HABP2: variants seen among roughly 807,000 people sequenced by gnomAD.
HABP2 encodes hyaluronan binding protein 2, also known as factor VII-activating protease.
In HABP2, 65 loss-of-function variants were observed where a neutral mutation model predicts 66.5. The observed-to-expected ratio is 0.98, with a 90% CI of 0.80 to 1.20. HABP2 has a LOEUF of 1.20. HABP2 is among the 50% of genes most tolerant of loss of function. The probability of loss-of-function intolerance (pLI) is 0.00; values close to 1 mark genes in which losing one functional copy is unlikely to be tolerated. For synonymous variants in HABP2, 263 were observed against 253.9 expected (o/e 1.04, Z -0.34); for missense variants, 786 against 691.0 (o/e 1.14, Z -1.54).
Position 113,588,896 on chromosome 10 carries a change from C to G in HABP2, c.*527C>G, listed in dbSNP as rs751515984. ...GGGCTGGTGGGCCATTCCAGCTTGCCGAAATCAAAGCCATCTGAAGCCTGT... is the reference window on the plus strand; with the variant it reads ...GGGCTGGTGGGCCATTCCAGCTTGCGGAAATCAAAGCCATCTGAAGCCTGT... On this transcript the variant is annotated 3_prime_UTR_variant, in exon 13 of 13. Transcript: ENST00000351270. 1.4e-5 allele frequency: 16 copies of G among 1,133,078 alleles called. No homozygotes were observed. The highest frequency in any genetic ancestry group is 4.6e-5 in the African/African-American group (3 of 65,248). The allele number at this position is 1,133,078 out of a possible 1,614,324, so 70.2% of individuals were successfully genotyped here. A position where few individuals can be genotyped will look rare whatever the true frequency, so the allele number is the denominator to read the frequency against.
rs1323517293 is a variant in HABP2 at position 113,588,816 on chromosome 10, C to G, written c.*447C>G. 1.5e-6 allele frequency: 1 copy of G among 645,948 alleles called. No individual in the cohort carries two copies. Among genetic ancestry groups the G allele is most frequent in the African/African-American group, 1.8e-5 (1 of 54,932 alleles). 40.0% of individuals were successfully genotyped at this position (645,948 alleles called of 1,614,324 possible). A position where few individuals can be genotyped will look rare whatever the true frequency, so the allele number is the denominator to read the frequency against. On this transcript the variant is annotated 3_prime_UTR_variant, in exon 13 of 13. Transcript: ENST00000351270. Reference sequence around the variant, plus strand: ...TAGGTATCAGAGAGGACCACAAATACAACATTCTCCATCTGCTTTCAGAGT... The same window carrying G: ...TAGGTATCAGAGAGGACCACAAATAGAACATTCTCCATCTGCTTTCAGAGT...
chr10:113,567,073 A>C (rs1037053806), intron 1 of HABP2, among the ~76,000 whole-genome samples: 1 of 152,134 alleles, frequency 6.6e-6, no homozygotes, highest in Non-Finnish European at 1.5e-5. Flanking sequence ...CCGAGTCCAA[A>C]TTTTCTCATC....
chr10:113,563,840 A>G (rs1177761021), intron 1 of HABP2, among the ~76,000 whole-genome samples: 1 of 152,152 alleles, frequency 6.6e-6, no homozygotes, highest in Non-Finnish European at 1.5e-5. Context: ...TTCGTAGGGA[A>G]TCTCCAAAGG....
chr10:113,552,398 A>G (rs112850422), upstream of HABP2, among the ~76,000 whole-genome samples: 478 of 152,350 alleles, frequency 3.1e-3, 3 homozygotes, highest in African/African-American at 0.011. Flanking sequence ...GCATAGCTAA[A>G]TAAGGAACAT....
intron 1 of HABP2, among the ~76,000 whole-genome samples, chr10:113,566,559 G>A (rs936584576): frequency 1.3e-5 from 2 of 152,218 alleles, no homozygotes; most frequent in Non-Finnish European, 2.9e-5. Context: ...TGACAAAACA[G>A]ACAAAATCCC....
chr10:113,573,067 A>T (rs1245845535), intron 2 of HABP2, among the ~76,000 whole-genome samples: 1 of 152,220 alleles, frequency 6.6e-6, no homozygotes. Context: ...GTGCCTTTTC[A>T]AGTCAGCTAT....
chr10:113,579,074 T>C (rs1195759879), intron 7 of HABP2, among the ~76,000 whole-genome samples: 1 of 143,736 alleles, frequency 7.0e-6, no homozygotes, highest in East Asian at 2.1e-4. Context: ...CTGAGCAAAA[T>C]GGCAAAACCC....
At chr10:113,552,993 C>A (rs1246163541), upstream of HABP2, 1 of 685,880 alleles carries the variant, frequency 1.5e-6, no homozygotes, top group South Asian at 1.8e-5. Context: ...GTATTTGATG[C>A]CTAGTTAATA....
chr10:113,582,711 G>A (rs1019844979), intron 9 of HABP2, among the ~76,000 whole-genome samples: 3 of 152,190 alleles, frequency 2.0e-5, no homozygotes, highest in Non-Finnish European at 4.4e-5. Flanking sequence ...CCTCCTGTGT[G>A]CCTTAGAGAA....
intron 1 of HABP2, among the ~76,000 whole-genome samples, chr10:113,557,194 G>A (rs570691407): frequency 1.3e-5 from 2 of 152,274 alleles, no homozygotes; most frequent in East Asian, 3.9e-4. Context: ...CAGAATGCCA[G>A]TCTCTTTCGG....
Position 113,578,046 on chromosome 10 carries a change from A to C in HABP2, c.469A>C (p.Asn157His), listed in dbSNP as rs780935895. ...CSQVVPVCRP[N>H]PCQNGATCSR... ...CACAGTGGTTCCTGTATGCAGGCCA[A>C]ACCCCTGCCAGAATGGGGCTACCTG... Residue 157 changes from asparagine to histidine, a missense_variant, in exon 6 of 13, where the codon AAC (asparagine) becomes CAC (histidine). Physicochemically the swap from Asn to His is moderately conservative, Grantham distance 68 (BLOSUM62 1). Coordinates refer to ENST00000351270, the MANE Select transcript of HABP2 (RefSeq NM_004132.5). 1 of 1,614,158 alleles carries C rather than the reference A, an allele frequency of 6.2e-7. No homozygotes were observed. The highest frequency in any genetic ancestry group is 2.2e-5 in the East Asian group (1 of 44,882).
At chr10:113,566,618 A>G (rs1362116304) in intron 1 of HABP2, among the ~76,000 whole-genome samples, 2 of 152,248 alleles carry the variant, frequency 1.3e-5, no homozygotes, top group Admixed American at 6.5e-5. Context: ...TGACATGCAA[A>G]TAAACAAATG....
chr10:113,572,464 G>A lies in HABP2; in HGVS notation c.107-1825G>A, dbSNP rs142765699. Among the ~76,000 whole-genome samples the A allele has an allele frequency of 1.7e-3, 254 of 152,284 alleles. 1 individual carries two copies. The highest frequency in any genetic ancestry group is 5.6e-3 in the African/African-American group (233 of 41,556). The stretch of plus-strand genomic sequence containing the variant: ...AGAAATTACAGAAGCAACCTGAAGG[G>A]CATTTATCTATAAACATCTGTTGGA... On this transcript the variant is annotated intron_variant, in intron 2 of 12. Transcript: ENST00000351270.
At chr10:113,563,742 C>T (rs919420084) in intron 1 of HABP2, among the ~76,000 whole-genome samples, 12 of 152,290 alleles carry the variant, frequency 7.9e-5, no homozygotes, top group East Asian at 3.9e-4. Context: ...AGGGCCCTTC[C>T]TTGCTGGACC....
chr10:113,557,386 G>A (rs1049071568), intron 1 of HABP2, among the ~76,000 whole-genome samples: 1 of 152,078 alleles, frequency 6.6e-6, no homozygotes, highest in Non-Finnish European at 1.5e-5. Context: ...CAGGTCGCAG[G>A]AAATCACATG....
intron 11 of HABP2, 136 bp from the exon 12 acceptor site, chr10:113,585,657 T>C: frequency 3.0e-6 from 2 of 673,326 alleles, no homozygotes; most frequent in Non-Finnish European, 2.7e-6. Context: ...GAGGCTTTTC[T>C]GCCCATATCC....
At chr10:113,558,568 C>A (rs1396605108) in intron 1 of HABP2, among the ~76,000 whole-genome samples, 1 of 152,228 alleles carries the variant, frequency 6.6e-6, no homozygotes, top group East Asian at 1.9e-4. Context: ...GAAAGACTTT[C>A]TCACGCTGTG....
At chr10:113,557,952 G>A (rs11575625) in intron 1 of HABP2, among the ~76,000 whole-genome samples, 16,877 of 152,192 alleles carry the variant, frequency 0.11, 1,015 homozygotes, top group South Asian at 0.13. Flanking sequence ...CCTCTGGGAG[G>A]TTACAGCTCT....
intron 12 of HABP2, 142 bp downstream of exon 12, chr10:113,586,080 C>G (rs1171851860): frequency 1.4e-6 from 1 of 690,194 alleles, no homozygotes; most frequent in Non-Finnish European, 2.5e-6. Flanking sequence ...GCTGTGTCTG[C>G]CCCCTGGCCC....
Sources: gnomAD v4.1 joint callset for allele counts (sites outside exome capture counted in the v4.1 genomes callset) on GRCh38, gnomAD v4.1.1 for gene constraint, MANE v1.5 for transcripts, NCBI Gene and HGNC (gene_info 2026-07-23, HGNC 2026-07-21) for gene names.